EP400: variants seen among roughly 807,000 people sequenced by gnomAD.
EP400 encodes E1A binding protein p400.
Under a neutral mutation model 354.1 loss-of-function variants are expected in EP400, and 105 were observed. The observed-to-expected ratio is 0.30, with a 90% confidence interval of 0.25 to 0.35. EP400 has a LOEUF of 0.35. Among genes scored for constraint, EP400 ranks in the 10% least tolerant of loss-of-function variants. EP400 has a pLI of 1.00. For missense variants in EP400, 3,280 were observed against 4,121.0 expected (o/e 0.80, Z 5.59); for synonymous variants, 1,646 against 1,716.9 (o/e 0.96, Z 1.02).
At chr12:131,979,661 A>G in intron 2 of EP400, 33 bp from the exon 3 acceptor site, 1 of 1,589,696 alleles carries the variant, frequency 6.3e-7, no homozygotes, top group Non-Finnish European at 8.6e-7. Flanking sequence ...GCCTTCAGTG[A>G]TCAAAATCTC....
chr12:131,984,326 T>A (rs1892782043), intron 5 of EP400, among the ~76,000 whole-genome samples: 1 of 152,192 alleles, frequency 6.6e-6, no homozygotes, highest in Non-Finnish European at 1.5e-5. Context: ...GATGAGCGAT[T>A]TATTGGCATT....
chr12:131,995,112 T>A, intron 12 of EP400, 156 bp downstream of exon 12: 1 of 643,890 alleles, frequency 1.6e-6, no homozygotes, highest in Non-Finnish European at 2.6e-6. Flanking sequence ...TCTCCTGACC[T>A]GGAGGTCCTG....
At chr12:131,950,113 C>T (rs1891408566) in intron 1 of EP400, 77 bp downstream of exon 1, 1 of 151,814 alleles carries the variant, frequency 6.6e-6, no homozygotes. Flanking sequence ...GGTCGCGTAG[C>T]CGCAGCCGCG....
intron 35 of EP400, 98 bp from the exon 36 acceptor site, chr12:132,044,573 T>TA: frequency 2.3e-5 from 33 of 1,445,514 alleles, no homozygotes; most frequent in Non-Finnish European, 3.1e-5. Flanking sequence ...GATCAGAACT[T>TA]ATTTGAAAGA....
chr12:132,041,173 C>T (rs994159857), intron 32 of EP400, among the ~76,000 whole-genome samples: 12 of 152,240 alleles, frequency 7.9e-5, no homozygotes, highest in African/African-American at 2.9e-4. Flanking sequence ...CTCGTACCTG[C>T]CGCATGGGAC....
intron 51 of EP400, chr12:132,076,271 A>T: frequency 1.7e-6 from 1 of 590,844 alleles, no homozygotes; most frequent in Non-Finnish European, 3.1e-6. Context: ...TGTCTGAAAT[A>T]TGAGACCAAA....
chr12:132,029,844 A>G lies in EP400; in HGVS notation c.5525A>G (p.Gln1842Arg), dbSNP rs745888035. 1.2e-6 allele frequency: 2 copies of G among 1,613,092 alleles called. No homozygotes were observed. The highest frequency in any genetic ancestry group is 1.3e-5 in the African/African-American group (1 of 75,074). Residue 1842 changes from glutamine to arginine, a missense_variant, in exon 28 of 53, where the codon CAG becomes CGG. Physicochemically the swap from Gln to Arg is conservative, Grantham distance 43. This residue lies in a region of EP400 where 459 missense variants were observed against 496.9 expected (regional missense o/e 0.92). Transcript: ENST00000389561. This position sits in a 1 kb window ranked among gnomAD's most constrained non-coding sequence, Gnocchi z 4.7. ...GCGCCGTACTTCCAGCAGCTGCGGC[A>G]GACCACGGCTCCACGCCTGCTGCAG... ...HAAPYFQQLR[Q>R]TTAPRLLQFP...
chr12:131,953,296 G>A lies in EP400; in HGVS notation c.-36+3260G>A, dbSNP rs551197708. Among the ~76,000 whole-genome samples, 4 of 152,284 alleles carry A rather than the reference G, an allele frequency of 2.6e-5. No homozygotes were observed. The South Asian group carries it at 6.2e-4, about 24-fold the overall frequency. On this transcript the variant is annotated intron_variant, in intron 1 of 52. Transcript: ENST00000389561. ...AACAACAGTAGAATGATGGATTGGG[G>A]ATTTATAACCTTATTATTTGGTGTT...
In EP400 at chr12:131,990,351, C is replaced by T. The variant is rs1892992561; in HGVS notation, c.2550+247C>T. Reference sequence around the variant, plus strand: ...TGAGGTGCTTCATGCCGTGGAGGGGCTCTGGGCATTGTTTCAGGGTTAGCG... The same window carrying T: ...TGAGGTGCTTCATGCCGTGGAGGGGTTCTGGGCATTGTTTCAGGGTTAGCG... On this transcript the variant is annotated intron_variant, in intron 8 of 52. Coordinates refer to ENST00000389561, the MANE Select transcript of EP400 (RefSeq NM_015409.5). The surrounding 1 kb of genome is among the most constrained non-coding windows in gnomAD (Gnocchi z 4.2). 6.6e-6 allele frequency among the ~76,000 whole-genome samples: 1 copy of T among 152,206 alleles called. No individual in the cohort carries two copies. Among genetic ancestry groups the T allele is most frequent in the Non-Finnish European group, 1.5e-5 (1 of 68,044 alleles).
At position 132,018,488 on chromosome 12, in the gene EP400, G is replaced by C. The variant is rs1565917767; in HGVS notation, c.4277+112G>C. On this transcript the variant is annotated intron_variant, in intron 21 of 52. Coordinates refer to ENST00000389561, the MANE Select transcript of EP400 (RefSeq NM_015409.5). The surrounding 1 kb of genome is among the most constrained non-coding windows in gnomAD (Gnocchi z 4.0). ...TGCTAATGTAGTTAGGTTATCTGCT[G>C]CTCTTGGGACCTTGCTGGTGTCCTT... The C allele has an allele frequency of 1.4e-6, 2 of 1,411,018 alleles. No individual in the cohort carries two copies. The highest frequency in any genetic ancestry group is 1.9e-6 in the Non-Finnish European group (2 of 1,058,288). 87.4% of individuals were successfully genotyped at this position (1,411,018 alleles called of 1,614,324 possible).
chr12:132,006,438 C>A, intron 14 of EP400, 136 bp downstream of exon 14: 1 of 1,127,874 alleles, frequency 8.9e-7, no homozygotes, highest in Non-Finnish European at 1.2e-6. Context: ...AGCAATTCTT[C>A]ATGTGCCTGT....
intron 2 of EP400, among the ~76,000 whole-genome samples, chr12:131,970,942 A>G (rs1259277107): frequency 6.6e-6 from 1 of 152,104 alleles, no homozygotes; most frequent in Admixed American, 6.5e-5. Context: ...TTTGGCTCAC[A>G]CCTGCAGTCC....
rs761216091 is a variant in EP400 at position 132,077,624 on chromosome 12, G to C, written c.9323G>C (p.Arg3108Thr). The C allele has an allele frequency of 2.5e-6, 4 of 1,613,750 alleles. No individual in the cohort carries two copies. The highest frequency in any genetic ancestry group is 3.4e-6 in the Non-Finnish European group (4 of 1,179,896). ...AGCCAGCAGCCCAAGTTACAGATGA[G>C]GGTCCCTGCTGTCAGGCTAAAGACA... ...SPSQQPKLQM[R>T]VPAVRLKTPT... The change falls in exon 53 of 53, where the codon AGG becomes ACG. Residue 3108 changes from arginine to threonine, a missense_variant. Transcript: ENST00000389561.
Position 132,006,130 on chromosome 12 carries a change from G to A in EP400, c.2954G>A (p.Gly985Asp), listed in dbSNP as rs1163281138. 1.2e-6 allele frequency: 2 copies of A among 1,613,986 alleles called. No homozygotes were observed. The highest frequency in any genetic ancestry group is 1.7e-6 in the Non-Finnish European group (2 of 1,179,910). The change falls in exon 14 of 53, where the codon GGC (glycine) becomes GAC (aspartate). Residue 985 changes from glycine to aspartate, a missense_variant. Transcript: ENST00000389561. ...GTTACAGATGCAGATGACTGTCCAG[G>A]CGACAGGGAGAGTCGCAAGGACTTG... is the stretch of plus-strand genomic sequence containing the variant. ...SGEEDADDCP[G>D]DRESRKDLVL...
intron 48 of EP400, chr12:132,065,186 G>A (rs1895850057): frequency 3.9e-6 from 2 of 507,644 alleles, no homozygotes; most frequent in Non-Finnish European, 3.5e-6. Context: ...GCTGCTGAGG[G>A]ACCCTGCAGG....
At chr12:132,069,344 G>C (rs1348029492) in intron 50 of EP400, 151 bp from the exon 51 acceptor site, 30 of 1,087,206 alleles carry the variant, frequency 2.8e-5, no homozygotes, top group Non-Finnish European at 3.6e-5. Flanking sequence ...GATGGGACAG[G>C]GGGCAGGAGA....
At chr12:132,014,749 C>T (rs867941479) in intron 19 of EP400, among the ~76,000 whole-genome samples, 15 of 152,194 alleles carry the variant, frequency 9.9e-5, no homozygotes, top group Admixed American at 6.5e-5. Flanking sequence ...CACTCTTCCC[C>T]CAGCCACGTG....
chr12:132,023,299 A>ATTTTTTTTTT (rs767816284), intron 23 of EP400, among the ~76,000 whole-genome samples: 1 of 71,040 alleles, frequency 1.4e-5, no homozygotes, highest in Non-Finnish European at 2.5e-5. Flanking sequence ...TGCCCAGCTA[A>ATTTTTTTTTT]TTTTTTTTTT....
intron 15 of EP400, 88 bp downstream of exon 15, chr12:132,006,965 CTA>C (rs1485432122): frequency 1.4e-6 from 2 of 1,417,304 alleles, no homozygotes; most frequent in Non-Finnish European, 9.7e-7. Context: ...GGGGACTTGG[CTA>C]TCTTATCTAC....
Sources: gnomAD v4.1 joint callset for allele counts (sites outside exome capture counted in the v4.1 genomes callset) on GRCh38, gnomAD v4.1.1 for gene constraint, gnomAD v4.1.1 regional missense constraint, Gnocchi (gnomAD v3.1) non-coding constraint, MANE v1.5 for transcripts, NCBI Gene and HGNC (gene_info 2026-07-23, HGNC 2026-07-21) for gene names.